The following TMEM108 variants were observed in gnomAD, a reference collection of about 807,000 sequenced individuals.
TMEM108 encodes the protein transmembrane protein 108.
Under a neutral mutation model 35.1 loss-of-function variants are expected in TMEM108, and 12 were observed. The observed-to-expected ratio is 0.34, with a 90% CI of 0.22 to 0.55. TMEM108 has a LOEUF of 0.55. Among genes scored for constraint, TMEM108 ranks in the 20% least tolerant of loss-of-function variants. The pLI, the probability that TMEM108 is intolerant of heterozygous loss-of-function variation, is 0.89. For synonymous variants in TMEM108, 287 were observed against 308.6 expected (o/e 0.93, Z 0.73); for missense variants, 680 against 753.3 (o/e 0.90, Z 1.14).
chr3:133,339,488 C>T (rs1329623538), intron 3 of TMEM108, among the ~76,000 whole-genome samples: 2 of 151,544 alleles, frequency 1.3e-5, no homozygotes, highest in Non-Finnish European at 3.0e-5. Context: ...GAAAGTGACC[C>T]CAATACAATA....
intron 2 of TMEM108, among the ~76,000 whole-genome samples, chr3:133,068,127 A>G (rs1443826697): frequency 2.6e-5 from 4 of 151,320 alleles, no homozygotes; most frequent in African/African-American, 9.7e-5. Context: ...ATATATTAAT[A>G]TGTTAATGTT....
At chr3:133,387,209 G>T in intron 4 of TMEM108, 17 of 985,426 alleles carry the variant, frequency 1.7e-5, no homozygotes, top group Non-Finnish European at 2.0e-5. Flanking sequence ...TGTGTGTCAG[G>T]CATTGTGTTT....
At chr3:133,191,012 AAG>A (rs1491187860) in intron 2 of TMEM108, among the ~76,000 whole-genome samples, 8 of 144,938 alleles carry the variant, frequency 5.5e-5, no homozygotes, top group East Asian at 2.5e-4. Flanking sequence ...GTTCTTAGCA[AAG>A]AAAAAAAAAG....
intron 2 of TMEM108, among the ~76,000 whole-genome samples, chr3:133,206,523 T>G (rs1945757052): frequency 6.6e-6 from 1 of 152,224 alleles, no homozygotes; most frequent in Admixed American, 6.5e-5. Context: ...GCTATTCCTT[T>G]CCGTTTGTTA....
chr3:133,344,318 A>G (rs1430575078), intron 3 of TMEM108, among the ~76,000 whole-genome samples: 1 of 151,844 alleles, frequency 6.6e-6, no homozygotes, highest in Non-Finnish European at 1.5e-5. Flanking sequence ...TAAAAATTCA[A>G]ATATCGATTG....
intron 2 of TMEM108, among the ~76,000 whole-genome samples, chr3:133,156,185 T>C (rs1944879394): frequency 6.6e-6 from 1 of 152,082 alleles, no homozygotes. Flanking sequence ...AAGTACAGGC[T>C]TGGTGTTCAG....
intron 2 of TMEM108, among the ~76,000 whole-genome samples, chr3:133,131,094 G>GGTAAACAGCTGAATATTTAT (rs1944484867): frequency 6.6e-6 from 1 of 152,080 alleles, no homozygotes; most frequent in African/African-American, 2.4e-5. Flanking sequence ...TGTGTGCAGA[G>GGTAAACAGCTGAATATTTAT]GTAAACAGCT....
intron 2 of TMEM108, among the ~76,000 whole-genome samples, chr3:133,145,593 A>G (rs1225853640): frequency 2.0e-5 from 3 of 152,218 alleles, no homozygotes; most frequent in Non-Finnish European, 4.4e-5. Flanking sequence ...CTTCCTAACC[A>G]TGAGCATAGA....
intron 2 of TMEM108, among the ~76,000 whole-genome samples, chr3:133,136,635 C>T (rs948837205): frequency 1.3e-5 from 2 of 152,182 alleles, no homozygotes; most frequent in Non-Finnish European, 2.9e-5. Flanking sequence ...GTGTGTCAGC[C>T]TGAAACCTGA....
chr3:133,368,614 A>C (rs939652342), intron 3 of TMEM108, among the ~76,000 whole-genome samples: 1 of 151,222 alleles, frequency 6.6e-6, no homozygotes, highest in African/African-American at 2.4e-5. Context: ...GCAAAGTAAA[A>C]AGATAAATAC....
intron 2 of TMEM108, among the ~76,000 whole-genome samples, chr3:133,181,038 A>AAAAAAC (rs869218859): frequency 1.1e-4 from 14 of 126,514 alleles, no homozygotes; most frequent in African/African-American, 4.0e-4. Context: ...AAAAAAAAAA[A>AAAAAAC]CAGCACTCCC....
chr3:133,280,027 A>T (rs61458354), intron 3 of TMEM108, among the ~76,000 whole-genome samples: 46,420 of 152,056 alleles, frequency 0.31, 7,812 homozygotes, highest in East Asian at 0.47. Flanking sequence ...AATATGTTAA[A>T]TGTGGCATGA....
rs200404425 is a variant in TMEM108, at chr3:133,154,861, TAATA to T, written c.-46-74403_-46-74400del. ...ATGTACTGTAAAACTTAAAGTATAATAATAATTAAAAAAAATTATTTTAACTTTC... is the reference window on the plus strand; with the variant it reads ...ATGTACTGTAAAACTTAAAGTATAATATTAAAAAAAATTATTTTAACTTTC... On this transcript the variant is annotated intron_variant, in intron 2 of 5. Coordinates refer to ENST00000321871, the MANE Select transcript of TMEM108 (RefSeq NM_023943.4). Among the ~76,000 whole-genome samples the T allele has an allele frequency of 2.7e-3, 402 of 151,230 alleles. 2 individuals carry two copies. Among genetic ancestry groups the T allele is most frequent in the Admixed American group, 7.5e-3 (115 of 15,274 alleles).
At chr3:133,200,473 G>T (rs1309931630) in intron 2 of TMEM108, among the ~76,000 whole-genome samples, 1 of 152,216 alleles carries the variant, frequency 6.6e-6, no homozygotes, top group Non-Finnish European at 1.5e-5. Flanking sequence ...CGTTCTCACA[G>T]TGGCCATGAT....
At chr3:133,339,606 A>AATAG (rs1337008692) in intron 3 of TMEM108, among the ~76,000 whole-genome samples, 1 of 151,988 alleles carries the variant, frequency 6.6e-6, no homozygotes, top group African/African-American at 2.4e-5. Context: ...AAATGAACTT[A>AATAG]ATAGATATTT....
intron 3 of TMEM108, among the ~76,000 whole-genome samples, chr3:133,274,466 A>G (rs1382567531): frequency 1.3e-5 from 2 of 152,186 alleles, no homozygotes; most frequent in Non-Finnish European, 2.9e-5. Flanking sequence ...GAGGTATCAA[A>G]AAGGAATCTG....
In TMEM108 at chr3:133,396,963, GAAAA is replaced by G. The variant is rs1270759578; in HGVS notation, c.*982_*985del. The G allele has an allele frequency of 4.0e-5, 6 of 151,724 alleles. No individual in the cohort carries two copies. The highest frequency in any genetic ancestry group is 1.5e-4 in the African/African-American group (6 of 41,284). The allele number at this position is 151,724 out of a possible 1,614,324, so 9.4% of individuals were successfully genotyped here. A position where few individuals can be genotyped will look rare whatever the true frequency, so the allele number is the denominator to read the frequency against. ...CCTTCCTCCTGCAATCTTTAAAAAA[GAAAA>G]AAAAGATTGCCCAAACAAATCATTT... On this transcript the variant is annotated 3_prime_UTR_variant, in exon 6 of 6. Transcript: ENST00000321871.
intron 2 of TMEM108, among the ~76,000 whole-genome samples, chr3:133,112,207 A>G (rs1291424109): frequency 6.6e-6 from 1 of 152,174 alleles, no homozygotes; most frequent in Admixed American, 6.5e-5. Flanking sequence ...AATGATGGTC[A>G]TGGATACCCC....
intron 3 of TMEM108, among the ~76,000 whole-genome samples, chr3:133,286,667 T>C (rs1284304893): frequency 6.6e-6 from 1 of 152,206 alleles, no homozygotes; most frequent in African/African-American, 2.4e-5. Flanking sequence ...TTCTGAAAAT[T>C]CTCAAATGTG....
Sources: gnomAD v4.1 joint callset for allele counts (sites outside exome capture counted in the v4.1 genomes callset) on GRCh38, gnomAD v4.1.1 for gene constraint, MANE v1.5 for transcripts, NCBI Gene and HGNC (gene_info 2026-07-23, HGNC 2026-07-21) for gene names.